Variants in CSPG4 observed in about 807,000 individuals in gnomAD.
The protein encoded by CSPG4 is chondroitin sulfate proteoglycan 4.
A neutral mutation model predicts 139.3 loss-of-function variants in CSPG4; 74 were observed. The ratio of observed to expected loss-of-function variants is 0.53; its 90% CI spans 0.44 to 0.64. CSPG4 has a LOEUF of 0.64. Among genes scored for constraint, CSPG4 ranks in the 30% least tolerant of loss-of-function variants. The probability of loss-of-function intolerance (pLI) is 0.00; values close to 1 mark genes in which losing one functional copy is unlikely to be tolerated. For missense variants in CSPG4, 2,565 were observed against 3,148.3 expected (o/e 0.81, Z 4.43); for synonymous variants, 1,234 against 1,394.2 (o/e 0.89, Z 2.56).
intron 1 of CSPG4, among the ~76,000 whole-genome samples, chr15:75,710,097 GCTCA>G (rs1894428385): frequency 1.3e-5 from 2 of 152,034 alleles, no homozygotes. Context: ...CTGTGGCCCT[GCTCA>G]CTAAGATACC....
intron 1 of CSPG4, among the ~76,000 whole-genome samples, 181 bp downstream of exon 1, chr15:75,712,487 G>A (rs1387835056): frequency 2.0e-5 from 3 of 152,156 alleles, no homozygotes; most frequent in African/African-American, 4.8e-5. Flanking sequence ...ACCTGAGATA[G>A]CGGGGTCCCG....
Position 75,674,698 on chromosome 15 carries a change from G to C in CSPG4, c.*852C>G, listed in dbSNP as rs149904074. 1.0e-5 allele frequency: 4 copies of C among 398,986 alleles called. No individual in the cohort carries two copies. The highest frequency in any genetic ancestry group is 8.2e-5 in the African/African-American group (4 of 48,756). 24.7% of individuals were successfully genotyped at this position (398,986 alleles called of 1,614,324 possible). Reference sequence around the variant, plus strand: ...CCCAGCTGCCTGCCCTAGTCCTCAGGGGGGCACTGGCACCGCAGTGGCCTC... The same window carrying C: ...CCCAGCTGCCTGCCCTAGTCCTCAGCGGGGCACTGGCACCGCAGTGGCCTC... On this transcript the variant is annotated 3_prime_UTR_variant, in exon 10 of 10. Coordinates refer to ENST00000308508, the MANE Select transcript of CSPG4 (RefSeq NM_001897.5).
At chr15:75,709,993 G>A (rs1894426586) in intron 1 of CSPG4, among the ~76,000 whole-genome samples, 1 of 151,810 alleles carries the variant, frequency 6.6e-6, no homozygotes. Context: ...GTGCACACAA[G>A]GCTCAGTGCC....
chr15:75,704,955 G>T (rs1481552584), intron 1 of CSPG4, among the ~76,000 whole-genome samples: 1 of 152,220 alleles, frequency 6.6e-6, no homozygotes, highest in Non-Finnish European at 1.5e-5. Flanking sequence ...CTCGCGAGGG[G>T]TTGGTAGAGA....
At chr15:75,697,252 G>A (rs1182501206) in intron 1 of CSPG4, among the ~76,000 whole-genome samples, 1 of 152,018 alleles carries the variant, frequency 6.6e-6, no homozygotes, top group Non-Finnish European at 1.5e-5. Flanking sequence ...TGCTCCCCCT[G>A]GTCTCCCCCT....
At position 75,682,439 on chromosome 15, in the gene CSPG4, T is replaced by G. The variant is rs1354430890; in HGVS notation, c.4804A>C (p.Ser1602Arg). 2 of 1,586,844 alleles carry G rather than the reference T, an allele frequency of 1.3e-6. No homozygotes were observed. The highest frequency in any genetic ancestry group is 1.7e-6 in the Non-Finnish European group (2 of 1,173,022). ...VCPGSVQPLS[S>R]QTLRASSSAG... ...CTGGAGCTGGCCCTGAGGGTCTGAC[T>G]GCTGAGTGGCTGGACGGACCCTGCC... The change falls in exon 8 of 10, where the codon AGT becomes CGT. Residue 1602 changes from serine to arginine, a missense_variant. Physicochemically the swap from Ser to Arg is moderately radical, Grantham distance 110. This residue lies in a region of CSPG4 where 2,316 missense variants were observed against 2,818.2 expected (regional missense o/e 0.82). Coordinates refer to ENST00000308508, the MANE Select transcript of CSPG4 (RefSeq NM_001897.5).
chr15:75,693,891 G>A (rs1894195033), intron 1 of CSPG4, among the ~76,000 whole-genome samples: 1 of 152,218 alleles, frequency 6.6e-6, no homozygotes, highest in African/African-American at 2.4e-5. Context: ...GGAGCTTATT[G>A]GCCTGAGTCT....
rs778523308 is a variant in CSPG4, at chr15:75,676,494, C to T, written c.6025G>A (p.Glu2009Lys). Residue 2009 changes from glutamate (E) to lysine (K), a missense_variant, in exon 10 of 10, where the codon GAG (glutamate) becomes AAG (lysine). Transcript: ENST00000308508. ...AAGTTGGTGAAGGCAAAGACCACCT[C>T]GCCCTGGTCTATCTGGAATTGGCTG... is the stretch of plus-strand genomic sequence containing the variant. ...AFSQFQIDQG[E>K]VVFAFTNFSS... 1.1e-5 allele frequency: 18 copies of T among 1,613,856 alleles called. No individual in the cohort carries two copies. The highest frequency in any genetic ancestry group is 1.6e-4 in the Middle Eastern group (1 of 6,080).
At chr15:75,685,034 A>G (rs1400520926) in intron 4 of CSPG4, 122 bp from the exon 5 acceptor site, 10 of 1,284,520 alleles carry the variant, frequency 7.8e-6, no homozygotes, top group Admixed American at 4.2e-5. Context: ...AATGGGGACC[A>G]TAAGTTCTGG....
At chr15:75,686,332 C>T (rs1420351361) in intron 3 of CSPG4, among the ~76,000 whole-genome samples, 1 of 152,212 alleles carries the variant, frequency 6.6e-6, no homozygotes, top group African/African-American at 2.4e-5. Context: ...GGCTGGTTTG[C>T]AGGCAGCACC....
intron 1 of CSPG4, among the ~76,000 whole-genome samples, chr15:75,710,285 A>G (rs1391125771): frequency 2.0e-5 from 3 of 152,176 alleles, no homozygotes; most frequent in Non-Finnish European, 2.9e-5. Flanking sequence ...CCCCCCGACT[A>G]GAATGTCACC....
Position 75,676,804 on chromosome 15 carries a change from G to A in CSPG4, c.5715C>T (p.Ala1905=). Residue 1905 remains alanine (A), a synonymous_variant, in exon 10 of 10, where the codon GCC becomes GCT. Transcript: ENST00000308508. ...CCACGCTGCTCCCGTTGGCCACGAA[G>A]GCCAGCCGCCCTGAATCCACATCGG... The part of the protein sequence containing the change: ...TQADVDSGRL[A]FVANGSSVAG... 1 of 1,544,096 alleles carries A rather than the reference G, an allele frequency of 6.5e-7. No homozygotes were observed. The highest frequency in any genetic ancestry group is 1.9e-5 in the Admixed American group (1 of 52,560).
At chr15:75,707,514 C>T (rs1474719350) in intron 1 of CSPG4, among the ~76,000 whole-genome samples, 1 of 152,150 alleles carries the variant, frequency 6.6e-6, no homozygotes, top group East Asian at 1.9e-4. Context: ...GAGTGAGGGC[C>T]AGCAGGCAGT....
chr15:75,688,522 G>T lies in CSPG4; in HGVS notation c.2543C>A (p.Thr848Asn). 6.2e-7 allele frequency: 1 copy of T among 1,613,248 alleles called. No homozygotes were observed. The highest frequency in any genetic ancestry group is 8.5e-7 in the Non-Finnish European group (1 of 1,180,032). ...GTRLSDGQGF[T>N]QDDIQAGRVT... ...CCGGCCAGCCTGTATGTCATCCTGG[G>T]TGAAGCCCTGGCCATCTGACAGCCT... Residue 848 changes from threonine to asparagine, a missense_variant, in exon 3 of 10, where the codon ACC becomes AAC. Coordinates refer to ENST00000308508, the MANE Select transcript of CSPG4 (RefSeq NM_001897.5).
At chr15:75,706,340 C>T (rs1015357528) in intron 1 of CSPG4, among the ~76,000 whole-genome samples, 6 of 151,888 alleles carry the variant, frequency 4.0e-5, no homozygotes, top group Admixed American at 6.5e-5. Flanking sequence ...GCTGCTGGCT[C>T]GGGGCAGGAC....
chr15:75,695,850 TC>T (rs1894220494), intron 1 of CSPG4, among the ~76,000 whole-genome samples: 1 of 151,784 alleles, frequency 6.6e-6, no homozygotes, highest in African/African-American at 2.4e-5. Flanking sequence ...AGTACACAGG[TC>T]CCCTTTGGGT....
In CSPG4 at chr15:75,676,292, C is replaced by T. The variant is rs545951572; in HGVS notation, c.6227G>A (p.Arg2076His). ...TVLDAGELAN[R>H]TGSVPRFRLL... ...GCGGAAGCGCGGCACACTGCCTGTGCGGTTGGCCAGCTCGCCAGCATCTAG... is the reference window on the plus strand; with the variant it reads ...GCGGAAGCGCGGCACACTGCCTGTGTGGTTGGCCAGCTCGCCAGCATCTAG... The change falls in exon 10 of 10, where the codon CGC (arginine) becomes CAC (histidine). Residue 2076 changes from arginine to histidine, a missense_variant. By Grantham distance (29) the Arg-to-His change is conservative. Transcript: ENST00000308508. 191 of 1,597,368 alleles carry T rather than the reference C, an allele frequency of 1.2e-4. 4 individuals carry two copies. The South Asian group carries it at 1.3e-3, about 11-fold the overall frequency.
In CSPG4 at chr15:75,706,953, C is replaced by CTTT. The variant is rs34579443; in HGVS notation, c.88+5712_88+5714dup. Among the ~76,000 whole-genome samples, 3 of 136,570 alleles carry CTTT rather than the reference C, an allele frequency of 2.2e-5. 1 individual carries two copies. In the South Asian group the frequency reaches 7.3e-4, roughly 33 times the overall value. The allele number at this position is 136,570 out of a possible 152,430, so 89.6% of individuals were successfully genotyped here. A position where few individuals can be genotyped will look rare whatever the true frequency, so the allele number is the denominator to read the frequency against. ...CAGTGGAAAATCTCACACATAAGAA[C>CTTT]TTTTTTTTTTTTTTTTTTTAGATGA... On this transcript the variant is annotated intron_variant, in intron 1 of 9. Transcript: ENST00000308508.
At position 75,690,585 on chromosome 15, in the gene CSPG4, C is replaced by T. The variant is rs1373875301; in HGVS notation, c.480G>A (p.Arg160=). Residue 160 remains arginine (R), a synonymous_variant, in exon 3 of 10, where the codon AGG becomes AGA. Transcript: ENST00000308508. ...AACCCCTCAGGGGTCGGCTGGTTCC[C>T]CTCAGGTAGGGCAGGCCAAGGGTCC... ...GTGTLGLPYL[R]GTSRPLRGCL... is the part of the protein sequence containing the mutation. The T allele has an allele frequency of 6.2e-7, 1 of 1,608,108 alleles. No individual in the cohort carries two copies. The highest frequency in any genetic ancestry group is 8.5e-7 in the Non-Finnish European group (1 of 1,178,180).
Sources: gnomAD v4.1 joint callset for allele counts (sites outside exome capture counted in the v4.1 genomes callset) on GRCh38, gnomAD v4.1.1 for gene constraint, gnomAD v4.1.1 regional missense constraint, MANE v1.5 for transcripts, NCBI Gene and HGNC (gene_info 2026-07-23, HGNC 2026-07-21) for gene names.